Variants in BANK1 observed in about 807,000 individuals in gnomAD.
BANK1 encodes B cell scaffold protein with ankyrin repeats 1.
A neutral mutation model predicts 94.5 loss-of-function variants in BANK1; 95 were observed. That is an observed-to-expected ratio of 1.00 (90% CI 0.85 to 1.19). The LOEUF (loss-of-function observed/expected upper bound fraction) is 1.19. BANK1 is among the 50% of genes most tolerant of loss of function. The pLI, the probability that BANK1 is intolerant of heterozygous loss-of-function variation, is 0.00. For missense variants in BANK1, 987 were observed against 932.2 expected, an observed-to-expected ratio of 1.06 and a Z score of -0.77; for synonymous variants, 334 against 308.4, an observed-to-expected ratio of 1.08 and a Z score of -0.87.
intron 7 of BANK1, among the ~76,000 whole-genome samples, chr4:101,998,269 A>G (rs753387523): frequency 1.7e-4 from 26 of 151,852 alleles, no homozygotes; most frequent in African/African-American, 5.8e-4. Context: ...TGACTGCACT[A>G]TTTTCTGAGA....
intron 4 of BANK1, among the ~76,000 whole-genome samples, chr4:101,863,141 C>A (rs1234161698): frequency 2.0e-5 from 3 of 151,500 alleles, no homozygotes; most frequent in African/African-American, 7.3e-5. Context: ...TACATATAAT[C>A]TTCTCATCTT....
At chr4:101,932,495 A>G (rs561089673) in intron 7 of BANK1, among the ~76,000 whole-genome samples, 1 of 151,572 alleles carries the variant, frequency 6.6e-6, no homozygotes, top group East Asian at 2.0e-4. Flanking sequence ...AAAAATTTTA[A>G]TAATTGGTAG....
intron 2 of BANK1, among the ~76,000 whole-genome samples, chr4:101,840,812 C>A (rs1405474964): frequency 6.6e-6 from 1 of 152,092 alleles, no homozygotes; most frequent in African/African-American, 2.4e-5. Flanking sequence ...AATCCTCTAG[C>A]ACCTCTAGGT....
At chr4:102,025,022 T>C (rs575902976) in intron 8 of BANK1, among the ~76,000 whole-genome samples, 179 bp from the exon 9 acceptor site, 3 of 152,342 alleles carry the variant, frequency 2.0e-5, no homozygotes, top group African/African-American at 4.8e-5. Context: ...TTGGTAAGTA[T>C]TTTAAAAACC....
intron 7 of BANK1, among the ~76,000 whole-genome samples, chr4:101,940,126 C>T (rs1723693384): frequency 1.3e-5 from 2 of 151,340 alleles, no homozygotes; most frequent in Admixed American, 1.3e-4. Context: ...GATTTCTCTC[C>T]CTTGGACATG....
intron 1 of BANK1, among the ~76,000 whole-genome samples, chr4:101,817,485 A>T (rs914433633): frequency 2.0e-5 from 3 of 152,106 alleles, no homozygotes; most frequent in Non-Finnish European, 2.9e-5. Context: ...TGATGAGAAA[A>T]CATGGACACA....
chr4:102,001,641 T>TA (rs1726079158), intron 7 of BANK1, among the ~76,000 whole-genome samples: 1 of 151,996 alleles, frequency 6.6e-6, no homozygotes, highest in South Asian at 2.1e-4. Context: ...TGAAAAAAAT[T>TA]AAAAATCAGA....
At chr4:101,866,975 T>C (rs1728096078) in intron 4 of BANK1, among the ~76,000 whole-genome samples, 1 of 54,810 alleles carries the variant, frequency 1.8e-5, no homozygotes, top group Non-Finnish European at 3.1e-5. Context: ...TGAGATCACA[T>C]GGACACAGGA....
At chr4:101,901,314 G>A (rs1375213165) in intron 6 of BANK1, among the ~76,000 whole-genome samples, 1 of 152,216 alleles carries the variant, frequency 6.6e-6, no homozygotes, top group Admixed American at 6.5e-5. Flanking sequence ...AGATGGGAAT[G>A]CAGACTGATT....
At chr4:101,976,808 CAT>C (rs1193606472) in intron 7 of BANK1, 1 of 152,004 alleles carries the variant, frequency 6.6e-6, no homozygotes, top group Admixed American at 6.6e-5. Flanking sequence ...ACAGGCATGT[CAT>C]GTGGGCAACT....
intron 7 of BANK1, among the ~76,000 whole-genome samples, chr4:101,997,687 A>G (rs955821873): frequency 6.6e-6 from 1 of 152,132 alleles, no homozygotes; most frequent in Admixed American, 6.5e-5. Context: ...AATTGCTTCT[A>G]GATTTTCTAG....
chr4:101,904,762 G>A (rs150762232), intron 6 of BANK1, among the ~76,000 whole-genome samples: 20 of 152,220 alleles, frequency 1.3e-4, no homozygotes, highest in Middle Eastern at 3.4e-3. Flanking sequence ...GTCCCAGGTC[G>A]TCCATCAGGC....
intron 1 of BANK1, among the ~76,000 whole-genome samples, chr4:101,799,325 C>G (rs1725268979): frequency 6.6e-6 from 1 of 152,084 alleles, no homozygotes; most frequent in Non-Finnish European, 1.5e-5. Flanking sequence ...GTCTATATCT[C>G]TGTTTTGGTA....
chr4:102,069,022 A>C (rs1385059271), intron 13 of BANK1, among the ~76,000 whole-genome samples: 1 of 152,192 alleles, frequency 6.6e-6, no homozygotes, highest in Non-Finnish European at 1.5e-5. Flanking sequence ...TATTTTACTT[A>C]TTCAGTAAAT....
chr4:102,067,585 G>T (rs139301447), intron 13 of BANK1, among the ~76,000 whole-genome samples: 184 of 151,986 alleles, frequency 1.2e-3, no homozygotes, highest in Non-Finnish European at 2.0e-3. Flanking sequence ...ATTACATACA[G>T]ATAAAAAGGC....
At chr4:101,893,509 T>A (rs1291380058) in intron 5 of BANK1, among the ~76,000 whole-genome samples, 21 of 152,062 alleles carry the variant, frequency 1.4e-4, no homozygotes, top group Admixed American at 1.4e-3. Flanking sequence ...TAAAGAAAAT[T>A]TACAAACTAA....
At chr4:102,029,281 G>A (rs1029395882) in intron 9 of BANK1, among the ~76,000 whole-genome samples, 4 of 152,110 alleles carry the variant, frequency 2.6e-5, no homozygotes, top group Middle Eastern at 6.8e-3. Context: ...AAGACCGACT[G>A]CTATGAAACC....
intron 2 of BANK1, among the ~76,000 whole-genome samples, chr4:101,835,181 A>G (rs1012179181): frequency 1.3e-5 from 2 of 152,208 alleles, no homozygotes; most frequent in African/African-American, 4.8e-5. Flanking sequence ...GGCTTCATAC[A>G]GCATTGTTTA....
At chr4:101,877,450 A>C (rs976985410) in intron 5 of BANK1, among the ~76,000 whole-genome samples, 3 of 152,242 alleles carry the variant, frequency 2.0e-5, no homozygotes, top group Non-Finnish European at 4.4e-5. Flanking sequence ...GCGATGAACC[A>C]ATCAAAAATA....
Sources: gnomAD v4.1 joint callset for allele counts (sites outside exome capture counted in the v4.1 genomes callset) on GRCh38, gnomAD v4.1.1 for gene constraint, MANE v1.5 for transcripts, NCBI Gene and HGNC (gene_info 2026-07-23, HGNC 2026-07-21) for gene names.